FIRRM: variants seen among roughly 807,000 people sequenced by gnomAD.
The protein encoded by FIRRM is FIGNL1-interacting regulator of recombination and mitosis.
At chr1:169,803,952 C>A in the FIRRM span, 1 of 527,192 alleles carries the variant, frequency 1.9e-6, no homozygotes, top group Non-Finnish European at 3.1e-6. Flanking sequence ...AATGGATGTT[C>A]ACTAAACAAT....
At chr1:169,846,242 C>T in the FIRRM span, among the ~76,000 whole-genome samples, 6 of 152,112 alleles carry the variant, frequency 3.9e-5, no homozygotes, top group Non-Finnish European at 7.4e-5. Flanking sequence ...AACAGGTATG[C>T]CATCATCCTG....
the FIRRM span, among the ~76,000 whole-genome samples, chr1:169,798,284 T>G: frequency 6.6e-6 from 1 of 151,872 alleles, no homozygotes; most frequent in Admixed American, 6.6e-5. Flanking sequence ...CTCTCTTTTT[T>G]TTTTTTTTTG....
chr1:169,796,481 A>G, the FIRRM span, among the ~76,000 whole-genome samples: 1 of 152,230 alleles, frequency 6.6e-6, no homozygotes, highest in Non-Finnish European at 1.5e-5. Flanking sequence ...TGGTTTCACA[A>G]ACTGAAACCT....
chr1:169,793,566 T>G, the FIRRM span: 2 of 1,614,146 alleles, frequency 1.2e-6, no homozygotes, highest in Non-Finnish European at 1.7e-6. Context: ...TTTCTGTCCC[T>G]CTCTTCTCCT....
chr1:169,836,909 T>A, the FIRRM span: 2 of 1,596,850 alleles, frequency 1.3e-6, no homozygotes, highest in Non-Finnish European at 1.7e-6. Flanking sequence ...CTCTTCTTTC[T>A]TTAACAATTT....
At chr1:169,805,977 TA>T in the FIRRM span, 3 of 1,448,948 alleles carry the variant, frequency 2.1e-6, no homozygotes, top group Non-Finnish European at 2.9e-6. Context: ...TTGGATGTCT[TA>T]AAAGTTCTGT....
At chr1:169,812,926 A>G in the FIRRM span, among the ~76,000 whole-genome samples, 4 of 152,016 alleles carry the variant, frequency 2.6e-5, no homozygotes, top group Admixed American at 6.6e-5. Context: ...AAAATGGACT[A>G]TTTTCAAATA....
chr1:169,811,935 C>G, the FIRRM span, among the ~76,000 whole-genome samples: 1 of 148,822 alleles, frequency 6.7e-6, no homozygotes, highest in Non-Finnish European at 1.5e-5. Flanking sequence ...TAGATAGAAA[C>G]AAAGAAAGAA....
the FIRRM span, chr1:169,830,854 A>C: frequency 9.6e-7 from 1 of 1,043,482 alleles, no homozygotes; most frequent in Non-Finnish European, 1.5e-6. Context: ...TCACAGTAAC[A>C]AGATTGTTTT....
chr1:169,853,969 T>G, the FIRRM span: 3 of 642,184 alleles, frequency 4.7e-6, no homozygotes, highest in Non-Finnish European at 5.2e-6. Context: ...GAAAATAGCT[T>G]TTCAAAAACC....
the FIRRM span, among the ~76,000 whole-genome samples, chr1:169,834,708 C>G: frequency 6.6e-6 from 1 of 151,984 alleles, no homozygotes; most frequent in Non-Finnish European, 1.5e-5. Context: ...GCAGGAGGAT[C>G]AGAGGATCTT....
At chr1:169,841,115 GTA>G in the FIRRM span, among the ~76,000 whole-genome samples, 1 of 152,122 alleles carries the variant, frequency 6.6e-6, no homozygotes, top group African/African-American at 2.4e-5. Flanking sequence ...TTATTTCGAT[GTA>G]TGTTCTTTTG....
chr1:169,822,258 G>A, the FIRRM span, among the ~76,000 whole-genome samples: 5 of 152,168 alleles, frequency 3.3e-5, no homozygotes, highest in East Asian at 9.6e-4. Flanking sequence ...TGCCCAGAAA[G>A]ACCAATTTGG....
chr1:169,805,108 G>T, the FIRRM span, among the ~76,000 whole-genome samples: 1 of 152,198 alleles, frequency 6.6e-6, no homozygotes, highest in Admixed American at 6.5e-5. Flanking sequence ...CAAAACTTTG[G>T]TATAAAGAGA....
the FIRRM span, among the ~76,000 whole-genome samples, chr1:169,797,683 T>G: frequency 1.4e-4 from 22 of 152,132 alleles, no homozygotes; most frequent in Non-Finnish European, 2.6e-4. Context: ...TAGCTGAGAT[T>G]ACAGGCACGT....
At chr1:169,815,437 G>T in the FIRRM span, among the ~76,000 whole-genome samples, 1 of 152,128 alleles carries the variant, frequency 6.6e-6, no homozygotes, top group Non-Finnish European at 1.5e-5. Flanking sequence ...TGGGAAAGGG[G>T]TGGGCAATTC....
At chr1:169,853,061 G>A in the FIRRM span, 1 of 1,436,062 alleles carries the variant, frequency 7.0e-7, no homozygotes, top group South Asian at 1.2e-5. Flanking sequence ...TTTTCTAACA[G>A]ATATAAAACA....
At chr1:169,798,298 CG>C in the FIRRM span, among the ~76,000 whole-genome samples, 1 of 148,662 alleles carries the variant, frequency 6.7e-6, no homozygotes, top group Non-Finnish European at 1.5e-5. Context: ...TTTTTTGAGA[CG>C]GAGTCTCGCC....
At chr1:169,838,712 A>C in the FIRRM span, among the ~76,000 whole-genome samples, 1 of 151,916 alleles carries the variant, frequency 6.6e-6, no homozygotes, top group African/African-American at 2.4e-5. Flanking sequence ...CTGGTCTCGA[A>C]CTCCTGACCT....
Sources: gnomAD v4.1 joint callset for allele counts (sites outside exome capture counted in the v4.1 genomes callset) on GRCh38, gnomAD v4.1.1 for gene constraint, MANE v1.5 for transcripts, NCBI Gene and HGNC (gene_info 2026-07-23, HGNC 2026-07-21) for gene names.